The following PPP6R2 variants were observed in gnomAD, a reference collection of about 807,000 sequenced individuals.
PPP6R2 encodes serine/threonine-protein phosphatase 6 regulatory subunit 2.
A neutral mutation model predicts 100.2 loss-of-function variants in PPP6R2; 62 were observed. The observed-to-expected ratio is 0.62, with a 90% CI of 0.50 to 0.76. PPP6R2 has a LOEUF of 0.76. Ranked by LOEUF, PPP6R2 falls within the 30% of genes least tolerant of loss-of-function variation. The pLI, the probability that PPP6R2 is intolerant of heterozygous loss-of-function variation, is 0.00. For synonymous variants in PPP6R2, 525 were observed against 514.7 expected (o/e 1.02, Z -0.27); for missense variants, 1,142 against 1,276.3 (o/e 0.89, Z 1.60).
At chr22:50,338,519 T>C (rs545035985), upstream of PPP6R2, among the ~76,000 whole-genome samples, 799 of 140,772 alleles carry the variant, frequency 5.7e-3, 5 homozygotes, top group Admixed American at 9.9e-3. Context: ...GTAGTGTGTG[T>C]GTGCGGTGTG....
chr22:50,412,754 G>A (rs183554150), intron 4 of PPP6R2, among the ~76,000 whole-genome samples: 17 of 139,374 alleles, frequency 1.2e-4, no homozygotes, highest in African/African-American at 4.6e-4. Flanking sequence ...CTATTCTCCT[G>A]CCTCAGCCTC....
chr22:50,346,927 T>G (rs971068135), intron 1 of PPP6R2, among the ~76,000 whole-genome samples: 9 of 149,038 alleles, frequency 6.0e-5, no homozygotes, highest in Non-Finnish European at 7.4e-5. Context: ...ATCCCTCCCC[T>G]GCCAGTGCCC....
At chr22:50,353,286 T>C (rs1288287307) in intron 1 of PPP6R2, among the ~76,000 whole-genome samples, 1 of 152,174 alleles carries the variant, frequency 6.6e-6, no homozygotes, top group East Asian at 1.9e-4. Context: ...ATGAGAGACA[T>C]GTGACTCTTC....
At chr22:50,363,576 A>G (rs1030500972) in intron 1 of PPP6R2, among the ~76,000 whole-genome samples, 1 of 152,110 alleles carries the variant, frequency 6.6e-6, no homozygotes, top group African/African-American at 2.4e-5. Flanking sequence ...TCTTGAGGGC[A>G]TATGGTAGAG....
At chr22:50,362,841 C>G (rs1406332028) in intron 1 of PPP6R2, among the ~76,000 whole-genome samples, 6 of 152,150 alleles carry the variant, frequency 3.9e-5, no homozygotes, top group African/African-American at 1.4e-4. Context: ...TGGCCAGCAC[C>G]TTGACCTTGG....
intron 1 of PPP6R2, among the ~76,000 whole-genome samples, chr22:50,363,915 CGG>C (rs2048256355): frequency 7.1e-6 from 1 of 141,464 alleles, no homozygotes. Flanking sequence ...TTTTTTGAGA[CGG>C]AGTTTTTGCT....
intron 2 of PPP6R2, among the ~76,000 whole-genome samples, chr22:50,388,263 G>A (rs546953921): frequency 1.6e-4 from 25 of 151,532 alleles, no homozygotes; most frequent in South Asian, 4.2e-4. Context: ...GTGTGGTGGC[G>A]CATGCCTGTA....
At chr22:50,349,169 T>C (rs1205419320) in intron 1 of PPP6R2, among the ~76,000 whole-genome samples, 1 of 131,844 alleles carries the variant, frequency 7.6e-6, no homozygotes, top group Non-Finnish European at 1.6e-5. Flanking sequence ...CACTCTAGCC[T>C]GGGCGACAAG....
chr22:50,351,102 G>A lies in PPP6R2; in HGVS notation c.-148+7552G>A, dbSNP rs1165718526. 8.6e-5 allele frequency among the ~76,000 whole-genome samples: 11 copies of A among 128,046 alleles called. No individual in the cohort carries two copies. The East Asian group carries it at 1.0e-3, about 12-fold the overall frequency. 84.0% of individuals were successfully genotyped at this position (128,046 alleles called of 152,430 possible). A position where few individuals can be genotyped will look rare whatever the true frequency, so the allele number is the denominator to read the frequency against. On this transcript the variant is annotated intron_variant, in intron 1 of 23. Transcript: ENST00000612753. The stretch of plus-strand genomic sequence containing the variant: ...GTTGCCCAGGCTGGAGTGCAATGGC[G>A]CAATCTTGGCTCACCGCAACCTAAG...
chr22:50,443,768 G>A, intron 22 of PPP6R2, 98 bp from the exon 23 acceptor site: 2 of 1,455,696 alleles, frequency 1.4e-6, no homozygotes, highest in Non-Finnish European at 1.8e-6. Flanking sequence ...GTGCTCCCAG[G>A]CCGCCTGGAC....
At chr22:50,379,984 AAATG>A (rs1409992378) in intron 2 of PPP6R2, among the ~76,000 whole-genome samples, 1 of 152,230 alleles carries the variant, frequency 6.6e-6, no homozygotes, top group Non-Finnish European at 1.5e-5. Flanking sequence ...GAAGGAGAGT[AAATG>A]AAGTTAAAAC....
chr22:50,382,315 C>T (rs1171219106), intron 2 of PPP6R2, among the ~76,000 whole-genome samples: 1 of 151,892 alleles, frequency 6.6e-6, no homozygotes, highest in Non-Finnish European at 1.5e-5. Flanking sequence ...ATAAAAAAGT[C>T]AAACAGGGCA....
chr22:50,386,668 G>C (rs1004482551), intron 2 of PPP6R2, among the ~76,000 whole-genome samples: 9 of 152,164 alleles, frequency 5.9e-5, no homozygotes, highest in Admixed American at 5.9e-4. Context: ...GATCTAGAAG[G>C]GTCTTTATGG....
intron 4 of PPP6R2, among the ~76,000 whole-genome samples, chr22:50,413,129 G>A (rs2060008137): frequency 6.6e-6 from 1 of 151,492 alleles, no homozygotes; most frequent in Non-Finnish European, 1.5e-5. Flanking sequence ...GGCTAATTTT[G>A]TATTTTTAGT....
chr22:50,341,591 G>A (rs2042391886), upstream of PPP6R2, among the ~76,000 whole-genome samples: 2 of 152,200 alleles, frequency 1.3e-5, no homozygotes, highest in African/African-American at 4.8e-5. Flanking sequence ...ATAGAAGCAG[G>A]GGGCCCCTGT....
rs1417836779 is a variant in PPP6R2, at chr22:50,414,674, G to A, written c.537G>A (p.Arg179=). The part of the protein sequence containing the change: ...LVSCVEPAGL[R]QDVLHWLNEE... Reference sequence around the variant, plus strand: ...GCTGTGTGGAGCCAGCCGGGCTCCGGCAGGACGTCCTGCACGTGAGTGCGG... The same window carrying A: ...GCTGTGTGGAGCCAGCCGGGCTCCGACAGGACGTCCTGCACGTGAGTGCGG... The change falls in exon 5 of 24, where the codon CGG becomes CGA. Residue 179 remains arginine, a synonymous_variant. Transcript: ENST00000612753. The A allele has an allele frequency of 1.2e-6, 2 of 1,611,874 alleles. No homozygotes were observed. The highest frequency in any genetic ancestry group is 1.7e-6 in the Non-Finnish European group (2 of 1,179,836).
intron 4 of PPP6R2, 48 bp from the exon 5 acceptor site, chr22:50,414,504 G>T (rs749840956): frequency 2.5e-6 from 4 of 1,601,608 alleles, no homozygotes; most frequent in Non-Finnish European, 3.4e-6. Flanking sequence ...GGTGTCTCAG[G>T]GTTGTCAGGG....
the PPP6R2 span, among the ~76,000 whole-genome samples, chr22:50,335,177 G>C: frequency 6.7e-6 from 1 of 149,096 alleles, no homozygotes; most frequent in Non-Finnish European, 1.5e-5. Context: ...TCAGCCTCCT[G>C]AGTAGCTGGG....
At chr22:50,358,637 C>T (rs948325873) in intron 1 of PPP6R2, among the ~76,000 whole-genome samples, 11 of 152,270 alleles carry the variant, frequency 7.2e-5, no homozygotes, top group African/African-American at 2.2e-4. Context: ...TTTCCTCATG[C>T]GCCATTGGGA....
Sources: allele counts gnomAD v4.1 joint callset (sites outside exome capture counted in the v4.1 genomes callset), GRCh38; gene constraint gnomAD v4.1.1; transcripts MANE v1.5; gene names NCBI Gene and HGNC (gene_info 2026-07-23, HGNC 2026-07-21).